The following SRGAP2 variants were observed in gnomAD, a reference collection of about 807,000 sequenced individuals.
SRGAP2 encodes the protein SLIT-ROBO Rho GTPase-activating protein 2.
In SRGAP2, 15 loss-of-function variants were observed where a neutral mutation model predicts 57.2. The ratio of observed to expected loss-of-function variants is 0.26; its 90% CI spans 0.18 to 0.40. The LOEUF is 0.40. Ranked by LOEUF, SRGAP2 falls within the 10% of genes least tolerant of loss-of-function variation. The probability of loss-of-function intolerance (pLI) is 1.00; values close to 1 mark genes in which losing one functional copy is unlikely to be tolerated. For missense variants in SRGAP2, 520 were observed against 669.6 expected (o/e 0.78, Z 2.47); for synonymous variants, 249 against 248.0 (o/e 1.00, Z -0.04).
intron 13 of SRGAP2, among the ~76,000 whole-genome samples, chr1:206,428,413 T>A (rs1344816588): frequency 2.1e-5 from 3 of 140,966 alleles, no homozygotes; most frequent in Non-Finnish European, 4.5e-5. Flanking sequence ...TGATTGAGAC[T>A]CTGTCTCAAA....
At chr1:206,357,582 C>CTTTTTT (rs781912077) in intron 4 of SRGAP2, among the ~76,000 whole-genome samples, 2 of 78,060 alleles carry the variant, frequency 2.6e-5, no homozygotes, top group Admixed American at 1.2e-4. Context: ...GCTATGTTGT[C>CTTTTTT]TTTTTTTTTT....
At chr1:206,372,028 C>T (rs1654602105) in intron 4 of SRGAP2, among the ~76,000 whole-genome samples, 1 of 85,814 alleles carries the variant, frequency 1.2e-5, no homozygotes, top group African/African-American at 9.2e-5. Context: ...ATCTGTTGCC[C>T]AGCCTGGTCT....
At chr1:206,446,321 G>A (rs1444010999) in intron 18 of SRGAP2, 22 bp downstream of exon 18, 1 of 779,904 alleles carries the variant, frequency 1.3e-6, no homozygotes, top group Admixed American at 1.7e-5. Flanking sequence ...TGGGACGGGA[G>A]GAGGGGAGGG....
At chr1:206,450,523 A>AT in intron 19 of SRGAP2, 58 bp downstream of exon 19, 1 of 763,388 alleles carries the variant, frequency 1.3e-6, no homozygotes, top group Non-Finnish European at 2.4e-6. Flanking sequence ...GAAGGAAGTG[A>AT]TTATATATCC....
At chr1:206,401,849 A>T (rs1658211757) in intron 8 of SRGAP2, among the ~76,000 whole-genome samples, 2 of 152,042 alleles carry the variant, frequency 1.3e-5, no homozygotes, top group Non-Finnish European at 2.9e-5. Flanking sequence ...GACATGGGGG[A>T]TTAAAGCCCT....
intron 2 of SRGAP2, among the ~76,000 whole-genome samples, chr1:206,249,013 T>C (rs1360297620): frequency 6.6e-6 from 1 of 152,262 alleles, no homozygotes; most frequent in African/African-American, 2.4e-5. Flanking sequence ...AGTTTTTACA[T>C]GATCTGGCTC....
At chr1:206,410,992 C>G (rs1234951121) in intron 10 of SRGAP2, among the ~76,000 whole-genome samples, 1 of 152,234 alleles carries the variant, frequency 6.6e-6, no homozygotes, top group East Asian at 1.9e-4. Context: ...TCCCAAGTAG[C>G]TGGGATTGCA....
At chr1:206,402,113 T>G (rs1394687817) in intron 8 of SRGAP2, among the ~76,000 whole-genome samples, 1 of 152,012 alleles carries the variant, frequency 6.6e-6, no homozygotes, top group Non-Finnish European at 1.5e-5. Context: ...AAGCGAGGGC[T>G]AGGCAGGGAA....
intron 21 of SRGAP2, 90 bp from the exon 22 acceptor site, chr1:206,458,533 G>A (rs763948486): frequency 8.7e-6 from 6 of 688,442 alleles, no homozygotes; most frequent in Non-Finnish European, 1.3e-5. Flanking sequence ...CGAAGTCCCT[G>A]GGTGCCAACA....
At chr1:206,244,571 A>G (rs569951010) in intron 2 of SRGAP2, among the ~76,000 whole-genome samples, 11 of 145,522 alleles carry the variant, frequency 7.6e-5, no homozygotes, top group South Asian at 7.0e-4. Context: ...GCAAAACAGC[A>G]TATCTTTAAT....
chr1:206,426,748 G>T (rs1158892440), intron 13 of SRGAP2, among the ~76,000 whole-genome samples: 1 of 152,000 alleles, frequency 6.6e-6, no homozygotes, highest in African/African-American at 2.4e-5. Flanking sequence ...ATACCTGTTG[G>T]CCATTTGTAT....
At chr1:206,268,639 G>T (rs1312671207) in intron 2 of SRGAP2, among the ~76,000 whole-genome samples, 5 of 148,200 alleles carry the variant, frequency 3.4e-5, no homozygotes, top group African/African-American at 7.4e-5. Context: ...GGGAGTCAAA[G>T]AATTCATTAT....
At chr1:206,357,093 G>C (rs1163065003) in intron 4 of SRGAP2, among the ~76,000 whole-genome samples, 1 of 143,542 alleles carries the variant, frequency 7.0e-6, no homozygotes, top group African/African-American at 2.8e-5. Flanking sequence ...GGTAAGCTAA[G>C]TAGTTATTAG....
rs563828599 is a variant in SRGAP2, at chr1:206,441,834, C to T, written c.1874+1753C>T. 1.2e-4 allele frequency among the ~76,000 whole-genome samples: 18 copies of T among 152,334 alleles called. No individual in the cohort carries two copies. The South Asian group carries it at 3.1e-3, about 26-fold the overall frequency. ...ATTCACCACAGTCCCCAGCCCTCCCCGTTGTCCCCCAATCCTGAGGCTGAA... is the reference window on the plus strand; with the variant it reads ...ATTCACCACAGTCCCCAGCCCTCCCTGTTGTCCCCCAATCCTGAGGCTGAA... On this transcript the variant is annotated intron_variant, in intron 17 of 22. Transcript: ENST00000573034.
intron 3 of SRGAP2, among the ~76,000 whole-genome samples, chr1:206,314,540 T>C (rs556661380): frequency 3.9e-5 from 6 of 152,356 alleles, no homozygotes; most frequent in African/African-American, 1.4e-4. Context: ...TGGAAGAGTA[T>C]TGAAGCTGAA....
At chr1:206,436,763 T>A (rs1661797610) in intron 14 of SRGAP2, among the ~76,000 whole-genome samples, 1 of 152,172 alleles carries the variant, frequency 6.6e-6, no homozygotes, top group Admixed American at 6.5e-5. Flanking sequence ...ACTTGGTGCT[T>A]TCTAGTGAAA....
At chr1:206,218,086 A>G (rs1366048957) in intron 2 of SRGAP2, among the ~76,000 whole-genome samples, 1 of 152,208 alleles carries the variant, frequency 6.6e-6, no homozygotes, top group Admixed American at 6.5e-5. Context: ...AGGCAGGCGG[A>G]TCACCTAAGG....
chr1:206,275,676 G>A (rs1178264770), intron 2 of SRGAP2, among the ~76,000 whole-genome samples: 10 of 148,616 alleles, frequency 6.7e-5, no homozygotes, highest in East Asian at 2.0e-4. Context: ...GTGCAGTGGC[G>A]CGATCTCTGC....
At chr1:206,331,595 T>C (rs1674359414) in intron 3 of SRGAP2, among the ~76,000 whole-genome samples, 3 of 148,454 alleles carry the variant, frequency 2.0e-5, no homozygotes, top group East Asian at 2.0e-4. Context: ...TCTTTGTTGG[T>C]TTAAAGTCTG....
Sources: allele counts gnomAD v4.1 joint callset (sites outside exome capture counted in the v4.1 genomes callset), GRCh38; gene constraint gnomAD v4.1.1; transcripts MANE v1.5; gene names NCBI Gene and HGNC (gene_info 2026-07-23, HGNC 2026-07-21).